The following PLEK2 variants were observed in gnomAD, a reference collection of about 807,000 sequenced individuals.
PLEK2 encodes pleckstrin 2.
Under a neutral mutation model 43.8 loss-of-function variants are expected in PLEK2, and 29 were observed. The ratio of observed to expected loss-of-function variants is 0.66; its 90% CI spans 0.49 to 0.90. The LOEUF is 0.90. Among genes scored for constraint, PLEK2 ranks in the 40% least tolerant of loss-of-function variants. The probability of loss-of-function intolerance (pLI) is 0.00; values close to 1 mark genes in which losing one functional copy is unlikely to be tolerated. For synonymous variants in PLEK2, 162 were observed against 173.2 expected, an observed-to-expected ratio of 0.94 and a Z score of 0.51; for missense variants, 398 against 448.1, an observed-to-expected ratio of 0.89 and a Z score of 1.01.
At chr14:67,408,169 T>C (rs1046738372) in intron 1 of PLEK2, among the ~76,000 whole-genome samples, 5 of 151,506 alleles carry the variant, frequency 3.3e-5, no homozygotes, top group Admixed American at 1.3e-4. Flanking sequence ...GCCTGTAATC[T>C]CAGCTACTCA....
At chr14:67,408,051 G>C (rs888764725) in intron 1 of PLEK2, among the ~76,000 whole-genome samples, 1 of 152,082 alleles carries the variant, frequency 6.6e-6, no homozygotes, top group Non-Finnish European at 1.5e-5. Context: ...ACTTTGGGAG[G>C]CCAGGTGGGT....
At chr14:67,396,562 G>A (rs2086010972) in intron 2 of PLEK2, among the ~76,000 whole-genome samples, 1 of 93,852 alleles carries the variant, frequency 1.1e-5, no homozygotes, top group South Asian at 3.7e-4. Flanking sequence ...ATTCCCCTTT[G>A]ACCACACTGG....
intron 1 of PLEK2, among the ~76,000 whole-genome samples, chr14:67,399,646 T>C (rs1405636387): frequency 5.9e-5 from 8 of 136,104 alleles, no homozygotes; most frequent in African/African-American, 1.8e-4. Flanking sequence ...GTTTAGGTGG[T>C]TCTCAGGTGG....
intron 7 of PLEK2, among the ~76,000 whole-genome samples, chr14:67,388,656 C>T (rs1356853249): frequency 6.6e-6 from 1 of 152,150 alleles, no homozygotes; most frequent in Non-Finnish European, 1.5e-5. Context: ...TCTTACAAAG[C>T]AATCAGAAAT....
intron 1 of PLEK2, among the ~76,000 whole-genome samples, chr14:67,410,976 T>A (rs1417833680): frequency 2.6e-5 from 4 of 151,620 alleles, no homozygotes; most frequent in Non-Finnish European, 5.9e-5. Context: ...CGAAACCCTG[T>A]CTCCACAAAA....
At chr14:67,405,487 C>T (rs987574975) in intron 1 of PLEK2, among the ~76,000 whole-genome samples, 3 of 152,128 alleles carry the variant, frequency 2.0e-5, no homozygotes, top group Non-Finnish European at 4.4e-5. Flanking sequence ...ACACCTACCC[C>T]ACCCAGTATG....
intron 1 of PLEK2, among the ~76,000 whole-genome samples, chr14:67,403,071 T>A (rs2086059254): frequency 6.6e-6 from 1 of 152,204 alleles, no homozygotes; most frequent in Non-Finnish European, 1.5e-5. Flanking sequence ...CTCCATATCC[T>A]CACCAGAATT....
chr14:67,387,002 A>T lies in PLEK2; in HGVS notation c.*327T>A, dbSNP rs1260388230. The T allele has an allele frequency of 5.4e-6, 1 of 185,284 alleles. No individual in the cohort carries two copies. Among genetic ancestry groups the T allele is most frequent in the East Asian group, 1.6e-4 (1 of 6,240 alleles). The allele number at this position is 185,284 out of a possible 1,614,324, so 11.5% of individuals were successfully genotyped here. On this transcript the variant is annotated 3_prime_UTR_variant, in exon 9 of 9. Coordinates refer to ENST00000216446, the MANE Select transcript of PLEK2 (RefSeq NM_016445.3). ...GAGAACCTCATAAGAAGAGAGTTTT[A>T]TTCAACATTATGGCATGGCCAGTGT...
At chr14:67,411,902 G>C in intron 1 of PLEK2, 116 bp downstream of exon 1, 1 of 951,804 alleles carries the variant, frequency 1.1e-6, no homozygotes, top group South Asian at 1.7e-5. Context: ...CACCATGGGG[G>C]TTGGGGATGG....
chr14:67,393,712 C>T (rs1463587151), intron 3 of PLEK2, among the ~76,000 whole-genome samples: 5 of 152,046 alleles, frequency 3.3e-5, no homozygotes, highest in East Asian at 1.9e-4. Flanking sequence ...CCTCAGCCTC[C>T]GAAAGTACTG....
At chr14:67,411,801 TCTC>T (rs1032471723) in intron 1 of PLEK2, among the ~76,000 whole-genome samples, 1 of 152,228 alleles carries the variant, frequency 6.6e-6, no homozygotes, top group Admixed American at 6.5e-5. Flanking sequence ...CAAGTGGGAT[TCTC>T]CTCCTTGCCT....
At chr14:67,411,136 CAAAA>C (rs925514488) in intron 1 of PLEK2, among the ~76,000 whole-genome samples, 2 of 52,070 alleles carry the variant, frequency 3.8e-5, no homozygotes, top group African/African-American at 7.1e-5. Context: ...GACCCTGTCT[CAAAA>C]AAAAAAAAAA....
chr14:67,401,132 T>G (rs2086045581), intron 1 of PLEK2, among the ~76,000 whole-genome samples: 1 of 152,134 alleles, frequency 6.6e-6, no homozygotes, highest in African/African-American at 2.4e-5. Flanking sequence ...AAGAGGGAAT[T>G]AAATTAAAAT....
Position 67,395,597 on chromosome 14 carries a change from G to C in PLEK2, c.208-14C>G, listed in dbSNP as rs375556474. ...CTTAATGAGGAGCTGTGGGAAGAGA[G>C]AGCCAGTCAGGCCAGCACTCAGGCA... On this transcript the variant is annotated splice_polypyrimidine_tract_variant and intron_variant, in intron 2 of 8. Transcript: ENST00000216446. The C allele has an allele frequency of 5.0e-6, 8 of 1,613,482 alleles. No homozygotes were observed. The African/African-American group carries it at 5.3e-5, about 11-fold the overall frequency.
chr14:67,411,904 T>C (rs901271419), intron 1 of PLEK2, 114 bp downstream of exon 1: 59 of 962,922 alleles, frequency 6.1e-5, no homozygotes, highest in Non-Finnish European at 8.5e-5. Flanking sequence ...CCATGGGGGT[T>C]GGGGATGGGA....
intron 2 of PLEK2, among the ~76,000 whole-genome samples, chr14:67,397,149 GGCTGGTGTCAAACTCCTCACC>G (rs1334514673): frequency 5.3e-5 from 8 of 152,142 alleles, no homozygotes; most frequent in Non-Finnish European, 8.8e-5. Flanking sequence ...ATGTTGGCCA[GGCTGGTGTCAAACTCCTCACC>G]GCAAGCAATC....
chr14:67,407,160 C>T (rs999508858), intron 1 of PLEK2, among the ~76,000 whole-genome samples: 1 of 151,972 alleles, frequency 6.6e-6, no homozygotes, highest in Non-Finnish European at 1.5e-5. Context: ...CTTGCACTGT[C>T]GCCCGGGCTA....
intron 1 of PLEK2, among the ~76,000 whole-genome samples, chr14:67,401,149 A>T (rs775784992): frequency 7.9e-5 from 12 of 152,210 alleles, no homozygotes; most frequent in Non-Finnish European, 1.6e-4. Context: ...AAATGGGGTC[A>T]TTAGGATGGG....
intron 7 of PLEK2, among the ~76,000 whole-genome samples, chr14:67,389,759 C>CACTT (rs2085953413): frequency 6.6e-6 from 1 of 150,416 alleles, no homozygotes; most frequent in Non-Finnish European, 1.5e-5. Context: ...AAATACAAAA[C>CACTT]TAAAGTGTTT....
Sources: gnomAD v4.1 joint callset for allele counts (sites outside exome capture counted in the v4.1 genomes callset) on GRCh38, gnomAD v4.1.1 for gene constraint, MANE v1.5 for transcripts, NCBI Gene and HGNC (gene_info 2026-07-23, HGNC 2026-07-21) for gene names.